SPAG16: variants seen among roughly 807,000 people sequenced by gnomAD.
The protein encoded by SPAG16 is sperm-associated antigen 16 protein.
Under a neutral mutation model 80.4 loss-of-function variants are expected in SPAG16, and 86 were observed. The observed-to-expected ratio is 1.07, with a 90% confidence interval of 0.90 to 1.28. The LOEUF (loss-of-function observed/expected upper bound fraction) is 1.28, where lower values mean the gene tolerates loss of function less well. SPAG16 is among the 50% of genes most tolerant of loss of function. The pLI, the probability that SPAG16 is intolerant of heterozygous loss-of-function variation, is 0.00. For missense variants in SPAG16, 870 were observed against 765.3 expected, an observed-to-expected ratio of 1.14 and a Z score of -1.61; for synonymous variants, 294 against 265.9, an observed-to-expected ratio of 1.11 and a Z score of -1.03.
intron 15 of SPAG16, among the ~76,000 whole-genome samples, chr2:214,313,608 A>G (rs541392777): frequency 3.3e-5 from 5 of 152,106 alleles, no homozygotes; most frequent in South Asian, 4.1e-4. Context: ...TATAATTCCT[A>G]CTAATTAACA....
At chr2:213,332,669 A>G (rs555557258) in intron 5 of SPAG16, among the ~76,000 whole-genome samples, 1 of 152,316 alleles carries the variant, frequency 6.6e-6, no homozygotes, top group East Asian at 1.9e-4. Context: ...TAAAAAGATA[A>G]TTCATCATGA....
chr2:214,225,024 T>G (rs926941684), intron 15 of SPAG16, among the ~76,000 whole-genome samples: 27 of 152,074 alleles, frequency 1.8e-4, no homozygotes, highest in African/African-American at 6.5e-4. Flanking sequence ...TTTTATTGAA[T>G]AGTTGGAGAA....
At chr2:213,733,315 G>T (rs745513947) in intron 10 of SPAG16, among the ~76,000 whole-genome samples, 3 of 151,330 alleles carry the variant, frequency 2.0e-5, no homozygotes, top group Non-Finnish European at 2.9e-5. Flanking sequence ...TCATTCTGTA[G>T]GTTCCACATT....
chr2:214,168,322 C>T (rs186351133), intron 15 of SPAG16, among the ~76,000 whole-genome samples: 6 of 152,086 alleles, frequency 3.9e-5, no homozygotes, highest in Admixed American at 3.3e-4. Context: ...CTTAAGTTTT[C>T]GCCTCTGTAA....
At chr2:214,316,354 G>A (rs973507520) in intron 15 of SPAG16, among the ~76,000 whole-genome samples, 13 of 152,256 alleles carry the variant, frequency 8.5e-5, no homozygotes, top group African/African-American at 1.2e-4. Context: ...ATCCCACATC[G>A]TTTATGGGCT....
chr2:213,361,370 G>C (rs529844308), intron 7 of SPAG16, among the ~76,000 whole-genome samples: 1 of 149,716 alleles, frequency 6.7e-6, no homozygotes, highest in African/African-American at 2.4e-5. Flanking sequence ...ATGTATGTGT[G>C]TGTGTGTGTA....
chr2:214,070,342 T>C (rs1045313012), intron 13 of SPAG16, among the ~76,000 whole-genome samples: 2 of 152,084 alleles, frequency 1.3e-5, no homozygotes, highest in African/African-American at 4.8e-5. Flanking sequence ...AATTCTTGTT[T>C]GTTTACAACA....
intron 10 of SPAG16, among the ~76,000 whole-genome samples, chr2:213,555,677 G>A (rs2059403337): frequency 6.6e-6 from 1 of 152,192 alleles, no homozygotes; most frequent in African/African-American, 2.4e-5. Flanking sequence ...AAACCTGAGG[G>A]AGTTCATCAT....
At chr2:213,761,524 A>G (rs1273749015) in intron 10 of SPAG16, among the ~76,000 whole-genome samples, 2 of 152,152 alleles carry the variant, frequency 1.3e-5, no homozygotes, top group Non-Finnish European at 2.9e-5. Flanking sequence ...TAAACTAATA[A>G]AAAATGAGAG....
chr2:214,261,129 A>G (rs1576621554), intron 15 of SPAG16, among the ~76,000 whole-genome samples: 8 of 20,348 alleles, frequency 3.9e-4, no homozygotes, highest in African/African-American at 6.9e-4. Context: ...AAAAAAAAAA[A>G]AAAAAAAAAA....
chr2:214,232,036 T>G (rs1193119148), intron 15 of SPAG16, among the ~76,000 whole-genome samples: 1 of 151,972 alleles, frequency 6.6e-6, no homozygotes, highest in East Asian at 1.9e-4. Flanking sequence ...TTAACTAATA[T>G]ATTTTTAAGA....
chr2:214,011,362 C>G (rs2047272971), intron 12 of SPAG16, among the ~76,000 whole-genome samples: 1 of 145,944 alleles, frequency 6.9e-6, no homozygotes, highest in South Asian at 2.2e-4. Flanking sequence ...AGTTTTGGCA[C>G]TCTCCTCAAA....
At chr2:214,211,490 A>T (rs183738900) in intron 15 of SPAG16, among the ~76,000 whole-genome samples, 1 of 152,328 alleles carries the variant, frequency 6.6e-6, no homozygotes, top group East Asian at 1.9e-4. Flanking sequence ...GGAATAATCC[A>T]TCTATGGGCC....
intron 15 of SPAG16, among the ~76,000 whole-genome samples, chr2:214,185,029 A>G (rs968123347): frequency 6.6e-6 from 1 of 152,206 alleles, no homozygotes; most frequent in Middle Eastern, 3.4e-3. Context: ...ATTAATCTCA[A>G]TAATCAGTTG....
At chr2:214,321,012 G>A (rs1238182450) in intron 15 of SPAG16, among the ~76,000 whole-genome samples, 1 of 152,194 alleles carries the variant, frequency 6.6e-6, no homozygotes, top group Non-Finnish European at 1.5e-5. Context: ...ACGTAAACAT[G>A]TTGATATATT....
chr2:214,222,982 T>C (rs1360216628), intron 15 of SPAG16, among the ~76,000 whole-genome samples: 1 of 152,242 alleles, frequency 6.6e-6, no homozygotes, highest in East Asian at 1.9e-4. Context: ...TAGTCACTTG[T>C]TGAGAACTAA....
chr2:213,593,746 CTTTTTT>C (rs541949006), intron 10 of SPAG16, among the ~76,000 whole-genome samples: 2 of 50,186 alleles, frequency 4.0e-5, no homozygotes, highest in Admixed American at 2.9e-4. Flanking sequence ...CCCACCACAT[CTTTTTT>C]TTTTTTTTTT....
At chr2:213,989,225 GAC>G (rs2046165878) in intron 12 of SPAG16, among the ~76,000 whole-genome samples, 1 of 152,114 alleles carries the variant, frequency 6.6e-6, no homozygotes, top group Non-Finnish European at 1.5e-5. Context: ...CTTGGGCCTG[GAC>G]AACACTAAGA....
intron 9 of SPAG16, among the ~76,000 whole-genome samples, chr2:213,405,074 AT>A (rs772507336): frequency 1.2e-4 from 18 of 152,184 alleles, no homozygotes; most frequent in Non-Finnish European, 2.4e-4. Context: ...TAAGCTAGTA[AT>A]CGTAAACACA....
Sources: gnomAD v4.1 joint callset for allele counts (sites outside exome capture counted in the v4.1 genomes callset) on GRCh38, gnomAD v4.1.1 for gene constraint, MANE v1.5 for transcripts, NCBI Gene and HGNC (gene_info 2026-07-23, HGNC 2026-07-21) for gene names.